Variants in SNX15 observed in about 807,000 individuals in gnomAD.
The protein encoded by SNX15 is sorting nexin 15, also known as sorting nexin-15.
In SNX15, 29 loss-of-function variants were observed where a neutral mutation model predicts 35.2. The observed-to-expected ratio is 0.82, with a 90% CI of 0.61 to 1.12. SNX15 has a LOEUF of 1.12. Ranked by LOEUF, SNX15 falls within the 50% of genes most tolerant of loss-of-function variation. SNX15 has a pLI of 0.00. For synonymous variants in SNX15, 189 were observed against 188.2 expected (o/e 1.00, Z -0.03); for missense variants, 400 against 451.5 (o/e 0.89, Z 1.03).
chr11:65,039,948 C>T lies in SNX15; in HGVS notation c.*156C>T. On this transcript the variant is annotated 3_prime_UTR_variant, in exon 8 of 8. Coordinates refer to ENST00000377244, the MANE Select transcript of SNX15 (RefSeq NM_013306.5). ...GAGAAAAATAATGAATTCTTAGCTCCCTGATTACACCTGCCACCTTGGAAT... is the reference window on the plus strand; with the variant it reads ...GAGAAAAATAATGAATTCTTAGCTCTCTGATTACACCTGCCACCTTGGAAT... The T allele has an allele frequency of 1.8e-6, 1 of 563,900 alleles. No individual in the cohort carries two copies. The highest frequency in any genetic ancestry group is 2.4e-5 in the South Asian group (1 of 42,470). The allele number at this position is 563,900 out of a possible 1,614,324, so 34.9% of individuals were successfully genotyped here.
Position 65,032,475 on chromosome 11 carries a change from A to G in SNX15, c.180A>G (p.Gly60=). The G allele has an allele frequency of 1.9e-6, 3 of 1,614,128 alleles. No homozygotes were observed. Among genetic ancestry groups the G allele is most frequent in the Non-Finnish European group, 2.5e-6 (3 of 1,179,998 alleles). Residue 60 remains glycine (G), a synonymous_variant, in exon 3 of 8, where the codon GGA becomes GGG. Transcript: ENST00000377244. ...ACAGCGACTTCCGCAAGCTGCATGGAGACCTGGCCTACACCCACCGCAACC... is the reference window on the plus strand; with the variant it reads ...ACAGCGACTTCCGCAAGCTGCATGGGGACCTGGCCTACACCCACCGCAACC... ...KRYSDFRKLH[G]DLAYTHRNLF... is the part of the protein sequence containing the mutation.
rs372841408 is a variant in SNX15 at position 65,035,181 on chromosome 11, G to A, written c.495G>A (p.Arg165=). The change falls in exon 5 of 8, where the codon AGG becomes AGA. Residue 165 remains arginine, a synonymous_variant. Coordinates refer to ENST00000377244, the MANE Select transcript of SNX15 (RefSeq NM_013306.5). ...RLSQLLPAER[R]GLEELEVPVD... The stretch of plus-strand genomic sequence containing the variant: ...CCCAACTGCTCCCTGCAGAAAGGAG[G>A]GGCCTCGAGGAATTGGAGGTGCCAG... 7 of 1,590,908 alleles carry A rather than the reference G, an allele frequency of 4.4e-6. No homozygotes were observed. The African/African-American group carries it at 5.4e-5, about 12-fold the overall frequency.
In SNX15 at chr11:65,029,197, C is replaced by T. The variant is rs963539463; in HGVS notation, c.99+1561C>T. Among the ~76,000 whole-genome samples the T allele has an allele frequency of 9.2e-5, 14 of 152,084 alleles. 1 individual carries two copies. The highest frequency in any genetic ancestry group is 3.3e-4 in the Admixed American group (5 of 15,278). ...TGTTTTTGAGACAGAGTCTCACTGT[C>T]GCCCAGACTGGAGTGAAGTGACTCG... On this transcript the variant is annotated intron_variant, in intron 1 of 7. Transcript: ENST00000377244.
Position 65,034,838 on chromosome 11 carries a change from G to A in SNX15, c.257-9G>A, listed in dbSNP as rs753991987. The A allele has an allele frequency of 6.2e-7, 1 of 1,611,254 alleles. No individual in the cohort carries two copies. Among genetic ancestry groups the A allele is most frequent in the Non-Finnish European group, 8.5e-7 (1 of 1,177,756 alleles). On this transcript the variant is annotated splice_polypyrimidine_tract_variant and intron_variant, in intron 3 of 7. Coordinates refer to ENST00000377244, the MANE Select transcript of SNX15 (RefSeq NM_013306.5). ...CACTCTCCCCTGTTCCTTGTCCTGG[G>A]GGCCGTAGGCCGGTTTGAAGCCTCA... is the stretch of plus-strand genomic sequence containing the variant.
Position 65,038,551 on chromosome 11 carries a change from G to A in SNX15, c.665-21G>A, listed in dbSNP as rs765727483. On this transcript the variant is annotated intron_variant, in intron 6 of 7. Coordinates refer to ENST00000377244, the MANE Select transcript of SNX15 (RefSeq NM_013306.5). ...GAAAGGAAGGGCCAGTCTGGTCCGA[G>A]TCCTCCCTTTCTAACTGCAGAAGGC... 7 of 1,517,108 alleles carry A rather than the reference G, an allele frequency of 4.6e-6. No individual in the cohort carries two copies. The Admixed American group carries it at 1.6e-4, about 34-fold the overall frequency. The allele number at this position is 1,517,108 out of a possible 1,614,324, so 94.0% of individuals were successfully genotyped here.
intron 2 of SNX15, 107 bp from the exon 3 acceptor site, chr11:65,032,324 C>T: frequency 1.3e-6 from 2 of 1,583,806 alleles, no homozygotes; most frequent in South Asian, 2.2e-5. Context: ...GGGCGAGGGG[C>T]TGCTGCAGCT....
At position 65,027,494 on chromosome 11, in the gene SNX15, G is replaced by A; in HGVS notation, c.-44G>A. ...GCTGGGCCGGAGGGGTGGGGACGGC[G>A]AGGAGGTGGAGGCCGGCGCTCCGCT... is the stretch of plus-strand genomic sequence containing the variant. On this transcript the variant is annotated 5_prime_UTR_variant, in exon 1 of 8. Coordinates refer to ENST00000377244, the MANE Select transcript of SNX15 (RefSeq NM_013306.5). 7 of 1,515,072 alleles carry A rather than the reference G, an allele frequency of 4.6e-6. No individual in the cohort carries two copies. The highest frequency in any genetic ancestry group is 6.4e-6 in the Non-Finnish European group (7 of 1,091,194). 93.9% of individuals were successfully genotyped at this position (1,515,072 alleles called of 1,614,324 possible).
In SNX15 at chr11:65,032,149, T is replaced by C; in HGVS notation, c.100-19T>C. The C allele has an allele frequency of 6.2e-7, 1 of 1,613,846 alleles. No individual in the cohort carries two copies. Among genetic ancestry groups the C allele is most frequent in the Non-Finnish European group, 8.5e-7 (1 of 1,179,706 alleles). On this transcript the variant is annotated intron_variant, in intron 1 of 7. Coordinates refer to ENST00000377244, the MANE Select transcript of SNX15 (RefSeq NM_013306.5). ...ATGGCAGTCTCTGGTCTCAACCAGC[T>C]CTTGCCTTTCTTTCTCAGTTCATCT...
In SNX15 at chr11:65,027,507, C is replaced by CCGGCG; in HGVS notation, c.-29_-25dup. On this transcript the variant is annotated 5_prime_UTR_variant, in exon 1 of 8. Transcript: ENST00000377244. Reference sequence around the variant, plus strand: ...GGTGGGGACGGCGAGGAGGTGGAGGCCGGCGCTCCGCTCCGCTCCAGCTCG... The same window carrying CCGGCG: ...GGTGGGGACGGCGAGGAGGTGGAGGCCGGCGCGGCGCTCCGCTCCGCTCCAGCTCG... The CCGGCG allele has an allele frequency of 6.3e-7, 1 of 1,588,640 alleles. No individual in the cohort carries two copies. The highest frequency in any genetic ancestry group is 8.6e-7 in the Non-Finnish European group (1 of 1,157,830).
chr11:65,032,631 A>T, intron 3 of SNX15, 80 bp downstream of exon 3: 1 of 1,566,826 alleles, frequency 6.4e-7, no homozygotes, highest in Non-Finnish European at 8.7e-7. Flanking sequence ...TGGGGGCTGG[A>T]TAGAGAGGGC....
intron 1 of SNX15, among the ~76,000 whole-genome samples, chr11:65,027,891 GAGTGTAGTGT>G (rs1166127936): frequency 6.6e-6 from 1 of 152,226 alleles, no homozygotes; most frequent in East Asian, 1.9e-4. Context: ...CCCACGCCCG[GAGTGTAGTGT>G]CTGGGCATCA....
rs953195775 is a variant in SNX15 at position 65,038,204 on chromosome 11, AC to A, written c.665-365del. On this transcript the variant is annotated intron_variant, in intron 6 of 7. Coordinates refer to ENST00000377244, the MANE Select transcript of SNX15 (RefSeq NM_013306.5). Reference sequence around the variant, plus strand: ...TTATTCCAAGTCTTGGAGCATTTCTACCCTCAGCCTGGTGGTGGTGGCCTAG... The same window carrying A: ...TTATTCCAAGTCTTGGAGCATTTCTACCTCAGCCTGGTGGTGGTGGCCTAG... The A allele has an allele frequency of 8.6e-6, 8 of 935,204 alleles. No individual in the cohort carries two copies. The African/African-American group carries it at 1.4e-4, about 17-fold the overall frequency. The allele number at this position is 935,204 out of a possible 1,614,324, so 57.9% of individuals were successfully genotyped here. A position where few individuals can be genotyped will look rare whatever the true frequency, so the allele number is the denominator to read the frequency against.
intron 3 of SNX15, 80 bp from the exon 4 acceptor site, chr11:65,034,767 G>C: frequency 9.6e-7 from 1 of 1,044,072 alleles, no homozygotes; most frequent in Non-Finnish European, 1.5e-6. Flanking sequence ...TCTCAGGCAG[G>C]ACCAGGAAAA....
At chr11:65,035,252 TG>T (rs1946488126) in intron 5 of SNX15, 46 bp downstream of exon 5, 2 of 1,495,108 alleles carry the variant, frequency 1.3e-6, no homozygotes, top group African/African-American at 1.4e-5. Context: ...GGGTGCAGAG[TG>T]GGGAGGGCGG....
chr11:65,029,722 G>T (rs145594620), intron 1 of SNX15, among the ~76,000 whole-genome samples: 2 of 149,180 alleles, frequency 1.3e-5, no homozygotes, highest in African/African-American at 4.9e-5. Context: ...GATTATAGGC[G>T]TGTGCCACCA....
At position 65,038,789 on chromosome 11, in the gene SNX15, C is replaced by T; in HGVS notation, c.882C>T (p.Gly294=). ...GCGCTTACGCTGCTGCACTCCAGGG[C>T]TATCGAGACGGCGTGCACGTCTTGC... ...KAGAYAAALQ[G]YRDGVHVLLQ... Residue 294 remains glycine (G), a synonymous_variant, in exon 7 of 8, where the codon GGC becomes GGT. Transcript: ENST00000377244. 1.3e-6 allele frequency: 2 copies of T among 1,598,412 alleles called. No individual in the cohort carries two copies. Among genetic ancestry groups the T allele is most frequent in the East Asian group, 2.3e-5 (1 of 44,424 alleles).
rs371657402 is a variant in SNX15 at position 65,034,860 on chromosome 11, C to A, written c.270C>A (p.Ala90=). Residue 90 remains alanine, a synonymous_variant, in exon 4 of 8, where the codon GCC becomes GCA. Transcript: ENST00000377244. ...TGGGGGCCGTAGGCCGGTTTGAAGCCTCAGTGATCGAGGAGCGGCGAAAGG... is the reference window on the plus strand; with the variant it reads ...TGGGGGCCGTAGGCCGGTTTGAAGCATCAGTGATCGAGGAGCGGCGAAAGG... ...PRAQVFGRFE[A]SVIEERRKGA... is the part of the protein sequence containing the mutation. 21 of 1,613,806 alleles carry A rather than the reference C, an allele frequency of 1.3e-5. No homozygotes were observed. The highest frequency in any genetic ancestry group is 1.6e-5 in the Non-Finnish European group (19 of 1,179,882).
At chr11:65,032,265 G>C in intron 2 of SNX15, 62 bp downstream of exon 2, 1 of 1,587,148 alleles carries the variant, frequency 6.3e-7, no homozygotes, top group Non-Finnish European at 8.7e-7. Context: ...CTGTCAAGGG[G>C]CAGCTGGTAA....
intron 5 of SNX15, 50 bp downstream of exon 5, chr11:65,035,256 G>C: frequency 6.7e-7 from 1 of 1,486,758 alleles, no homozygotes; most frequent in Non-Finnish European, 9.0e-7. Flanking sequence ...GCAGAGTGGG[G>C]AGGGCGGCCA....
Sources: gnomAD v4.1 joint callset for allele counts (sites outside exome capture counted in the v4.1 genomes callset) on GRCh38, gnomAD v4.1.1 for gene constraint, MANE v1.5 for transcripts, NCBI Gene and HGNC (gene_info 2026-07-23, HGNC 2026-07-21) for gene names.